ADGB: variants seen among roughly 807,000 people sequenced by gnomAD.
The protein encoded by ADGB is calpain-7-like protein.
Under a neutral mutation model 210.5 loss-of-function variants are expected in ADGB, and 172 were observed. The ratio of observed to expected loss-of-function variants is 0.82; its 90% CI spans 0.72 to 0.93. The LOEUF (loss-of-function observed/expected upper bound fraction) is 0.93. Among genes scored for constraint, ADGB ranks in the 40% least tolerant of loss-of-function variants. The pLI is 0.00. For missense variants in ADGB, 2,025 were observed against 1,964.8 expected (o/e 1.03, Z -0.58); for synonymous variants, 658 against 662.7 (o/e 0.99, Z 0.11).
At chr6:146,697,214 G>C (rs1020544331) in intron 12 of ADGB, among the ~76,000 whole-genome samples, 1 of 152,164 alleles carries the variant, frequency 6.6e-6, no homozygotes, top group African/African-American at 2.4e-5. Flanking sequence ...AGTTTTTATT[G>C]AATCAGAAGT....
intron 5 of ADGB, among the ~76,000 whole-genome samples, chr6:146,660,235 A>G (rs1256681741): frequency 6.6e-6 from 1 of 152,200 alleles, no homozygotes; most frequent in Admixed American, 6.5e-5. Context: ...TTTGAGGAAC[A>G]ATGTTTGCAA....
intron 25 of ADGB, among the ~76,000 whole-genome samples, chr6:146,742,573 T>C (rs1777177265): frequency 6.6e-6 from 1 of 152,192 alleles, no homozygotes; most frequent in Non-Finnish European, 1.5e-5. Context: ...AGTCAATGCA[T>C]CAATATATTA....
rs931319608 is a variant in ADGB, at chr6:146,618,670, C to G, written c.75-16705C>G. Among the ~76,000 whole-genome samples the G allele has an allele frequency of 6.0e-5, 9 of 150,588 alleles. No individual in the cohort carries two copies. The East Asian group carries it at 1.6e-3, about 26-fold the overall frequency. ...ATGAATTTTTACAGTTTCCAGCATT[C>G]CTTTTGCTTTCATTTTGTTTTATTC... On this transcript the variant is annotated intron_variant, in intron 1 of 35. Transcript: ENST00000397944.
intron 9 of ADGB, among the ~76,000 whole-genome samples, chr6:146,683,349 T>G (rs1776182714): frequency 6.6e-6 from 1 of 152,098 alleles, no homozygotes; most frequent in Non-Finnish European, 1.5e-5. Flanking sequence ...TGTATAAAAC[T>G]TAGTTTGAAA....
At chr6:146,736,619 G>T in intron 23 of ADGB, 28 bp downstream of exon 23, 3 of 1,451,342 alleles carry the variant, frequency 2.1e-6, no homozygotes, top group Non-Finnish European at 2.8e-6. Context: ...TATTTTTATT[G>T]CAGTATATTG....
intron 1 of ADGB, among the ~76,000 whole-genome samples, chr6:146,616,471 G>A (rs191532729): frequency 3.3e-5 from 5 of 151,780 alleles, no homozygotes; most frequent in African/African-American, 7.2e-5. Flanking sequence ...CCTGTGCTTT[G>A]GAAGTCTTAT....
intron 20 of ADGB, among the ~76,000 whole-genome samples, chr6:146,731,020 T>C (rs1776975173): frequency 6.6e-6 from 1 of 152,138 alleles, no homozygotes; most frequent in Admixed American, 6.6e-5. Flanking sequence ...ATTACAAGTG[T>C]CCTAAATGTA....
At chr6:146,805,730 A>T (rs889417741) in intron 35 of ADGB, among the ~76,000 whole-genome samples, 1 of 152,078 alleles carries the variant, frequency 6.6e-6, no homozygotes, top group African/African-American at 2.4e-5. Flanking sequence ...CTTTCCTTTT[A>T]TGAGATCTCT....
chr6:146,630,384 A>AT (rs1198413948), intron 1 of ADGB, among the ~76,000 whole-genome samples: 1 of 152,062 alleles, frequency 6.6e-6, no homozygotes, highest in Non-Finnish European at 1.5e-5. Flanking sequence ...TAGTAAGGCC[A>AT]TAAAAAAAGA....
intron 1 of ADGB, among the ~76,000 whole-genome samples, chr6:146,606,359 G>T (rs928199515): frequency 6.6e-6 from 1 of 152,042 alleles, no homozygotes; most frequent in Non-Finnish European, 1.5e-5. Context: ...CATTTACTTT[G>T]TTGATAGTTT....
chr6:146,663,164 T>TAATATATAA (rs1775888809), intron 5 of ADGB, among the ~76,000 whole-genome samples: 1 of 141,380 alleles, frequency 7.1e-6, no homozygotes, highest in African/African-American at 2.6e-5. Flanking sequence ...TAATATATAT[T>TAATATATAA]TATTATATAT....
chr6:146,615,591 A>G (rs1048402975), intron 1 of ADGB, among the ~76,000 whole-genome samples: 1 of 152,050 alleles, frequency 6.6e-6, no homozygotes, highest in Non-Finnish European at 1.5e-5. Flanking sequence ...GCTCTCCTTA[A>G]TTCTTAACCT....
intron 35 of ADGB, among the ~76,000 whole-genome samples, chr6:146,813,301 C>G (rs1778330444): frequency 6.6e-6 from 1 of 151,098 alleles, no homozygotes; most frequent in African/African-American, 2.5e-5. Flanking sequence ...GCATGTTCTT[C>G]TGGATATGTC....
At chr6:146,616,075 G>C (rs906202186) in intron 1 of ADGB, among the ~76,000 whole-genome samples, 3 of 152,022 alleles carry the variant, frequency 2.0e-5, no homozygotes, top group Non-Finnish European at 4.4e-5. Context: ...GCCAGCATTT[G>C]TTATTTTTTG....
At chr6:146,717,286 A>T (rs1387169201) in intron 15 of ADGB, among the ~76,000 whole-genome samples, 2 of 152,224 alleles carry the variant, frequency 1.3e-5, no homozygotes, top group Non-Finnish European at 2.9e-5. Context: ...TATATTGATT[A>T]TCCATATAAC....
At chr6:146,611,678 TCTC>T (rs1253569118) in intron 1 of ADGB, among the ~76,000 whole-genome samples, 4 of 152,084 alleles carry the variant, frequency 2.6e-5, no homozygotes, top group African/African-American at 4.8e-5. Context: ...CCTCCCCCCA[TCTC>T]CTCTCAGCGC....
chr6:146,785,627 G>T lies in ADGB; in HGVS notation c.4230G>T (p.Leu1410Phe). 1 of 1,550,400 alleles carries T rather than the reference G, an allele frequency of 6.4e-7. No homozygotes were observed. Among genetic ancestry groups the T allele is most frequent in the Non-Finnish European group, 8.7e-7 (1 of 1,146,036 alleles). The change falls in exon 32 of 36, where the codon TTG (leucine) becomes TTT (phenylalanine). Residue 1410 changes from leucine (L) to phenylalanine (F), a missense_variant. By Grantham distance (22) the Leu-to-Phe change is conservative (BLOSUM62 0). Transcript: ENST00000397944. ...GRAIKASQAR[L>F]HYLSGFIKKT... ...TTTTTTAGGCTTCTCAGGCTCGTTT[G>T]CATTACCTTAGCGGGTTCATTAAGA...
chr6:146,659,707 G>A (rs1008672632), intron 5 of ADGB, among the ~76,000 whole-genome samples: 1 of 152,134 alleles, frequency 6.6e-6, no homozygotes, highest in Admixed American at 6.6e-5. Context: ...TAAGAACAGG[G>A]TTGTGACACA....
At chr6:146,801,732 C>T (rs1778136990) in intron 34 of ADGB, 96 bp from the exon 35 acceptor site, 6 of 1,072,492 alleles carry the variant, frequency 5.6e-6, no homozygotes, top group Admixed American at 3.1e-5. Context: ...GACCACCACA[C>T]TGTTGATATG....
Sources: gnomAD v4.1 joint callset for allele counts (sites outside exome capture counted in the v4.1 genomes callset) on GRCh38, gnomAD v4.1.1 for gene constraint, MANE v1.5 for transcripts, NCBI Gene and HGNC (gene_info 2026-07-23, HGNC 2026-07-21) for gene names.